The following RNF38 variants were observed in gnomAD, a reference collection of about 807,000 sequenced individuals.
RNF38 encodes ring finger protein 38.
RNF38 carries 15 observed loss-of-function variants against 67.2 expected under a neutral mutation model. That is an observed-to-expected ratio of 0.22 (90% CI 0.15 to 0.34). The LOEUF (loss-of-function observed/expected upper bound fraction) is 0.34, where lower values mean the gene tolerates loss of function less well. RNF38 is among the 10% of genes least tolerant of loss of function. The probability of loss-of-function intolerance (pLI) is 1.00; values close to 1 mark genes in which losing one functional copy is unlikely to be tolerated. For missense variants in RNF38, 524 were observed against 639.9 expected (o/e 0.82, Z 1.95); for synonymous variants, 220 against 218.8 (o/e 1.01, Z -0.05).
In RNF38 at chr9:36,420,532, C is replaced by CAAAAAAAAAAA. The variant is rs59641483; in HGVS notation, n.312+4070_312+4080dup. On this transcript the variant is annotated intron_variant and non_coding_transcript_variant, in intron 2 of 3. Transcript: ENST00000488058. ...GGGCAACAGAGCAAGACTCTGTCTC[C>CAAAAAAAAAAA]AAAAAAAAAAAAAAAGAGGACAACC... is the stretch of plus-strand genomic sequence containing the variant. Among the ~76,000 whole-genome samples the CAAAAAAAAAAA allele has an allele frequency of 1.0e-3, 76 of 73,362 alleles. 3 individuals are homozygous for CAAAAAAAAAAA. The South Asian group carries it at 0.017, about 17-fold the overall frequency. 48.1% of individuals were successfully genotyped at this position (73,362 alleles called of 152,430 possible).
Position 36,379,318 on chromosome 9 carries a change from T to C in RNF38, c.163-3191A>G, listed in dbSNP as rs118075289. Among the ~76,000 whole-genome samples the C allele has an allele frequency of 4.7e-3, 723 of 152,290 alleles. 4 individuals are homozygous for C. Among genetic ancestry groups the C allele is most frequent in the Non-Finnish European group, 8.8e-3 (600 of 68,030 alleles). ...TCATCACTTCCCTTATCAATTTTAGTACTCTAAGGAACTTCAAAGAAATTC... is the reference window on the plus strand; with the variant it reads ...TCATCACTTCCCTTATCAATTTTAGCACTCTAAGGAACTTCAAAGAAATTC... On this transcript the variant is annotated intron_variant, in intron 2 of 11. Coordinates refer to ENST00000259605, the MANE Select transcript of RNF38 (RefSeq NM_022781.5).
At chr9:36,401,655 A>C (rs1246997334), upstream of RNF38, among the ~76,000 whole-genome samples, 1 of 152,206 alleles carries the variant, frequency 6.6e-6, no homozygotes, top group Non-Finnish European at 1.5e-5. Flanking sequence ...ACGATACAAG[A>C]GAGAAAATAA....
At chr9:36,400,518 C>T (rs1416086840), upstream of RNF38, 1 of 994,274 alleles carries the variant, frequency 1.0e-6, no homozygotes, top group Non-Finnish European at 1.2e-6. Context: ...CCCGTCCCGC[C>T]CTCGCGCTGC....
intron 1 of RNF38, among the ~76,000 whole-genome samples, chr9:36,392,774 A>T (rs1373469803): frequency 1.3e-5 from 2 of 152,104 alleles, no homozygotes; most frequent in Non-Finnish European, 2.9e-5. Context: ...AAAAATAAGT[A>T]TTTGTTAATC....
intron 8 of RNF38, among the ~76,000 whole-genome samples, chr9:36,351,580 A>G (rs572091115): frequency 2.6e-5 from 4 of 152,324 alleles, no homozygotes; most frequent in African/African-American, 9.6e-5. Context: ...ACATTTTAAG[A>G]CCAAATTGGG....
intron 4 of RNF38, among the ~76,000 whole-genome samples, chr9:36,359,686 TAA>T (rs1304347013): frequency 1.3e-5 from 2 of 152,074 alleles, no homozygotes; most frequent in African/African-American, 4.8e-5. Flanking sequence ...CCATTAGTAT[TAA>T]GATTGTACTA....
upstream of RNF38, among the ~76,000 whole-genome samples, chr9:36,402,497 A>G (rs2134169096): frequency 7.0e-6 from 1 of 142,812 alleles, no homozygotes; most frequent in East Asian, 2.0e-4. Flanking sequence ...CTAAGCTTAA[A>G]AAAAAAAAAA....
At chr9:36,382,145 G>A (rs1340591969) in intron 2 of RNF38, among the ~76,000 whole-genome samples, 1 of 152,180 alleles carries the variant, frequency 6.6e-6, no homozygotes, top group Non-Finnish European at 1.5e-5. Context: ...TAGGCCAGTG[G>A]ACCAACTTTT....
At chr9:36,379,608 T>C (rs1178717932) in intron 2 of RNF38, among the ~76,000 whole-genome samples, 1 of 152,180 alleles carries the variant, frequency 6.6e-6, no homozygotes, top group African/African-American at 2.4e-5. Context: ...CCTATCTCTC[T>C]GATTTGAAGC....
intron 2 of RNF38, among the ~76,000 whole-genome samples, chr9:36,415,261 T>C (rs777392516): frequency 1.3e-5 from 2 of 152,192 alleles, no homozygotes; most frequent in Non-Finnish European, 1.5e-5. Flanking sequence ...TCACACTGGG[T>C]TAATTAAAAA....
rs769831780 is a variant in RNF38 at position 36,357,764 on chromosome 9, TAG to T, written c.738+9_738+10del. ...TAGTAATATCTAATGAGAACAAAGATAGAGACTTACTGGAGGAGGCACACTAC... is the reference window on the plus strand; with the variant it reads ...TAGTAATATCTAATGAGAACAAAGATAGACTTACTGGAGGAGGCACACTAC... On this transcript the variant is annotated intron_variant, in intron 5 of 11. Coordinates refer to ENST00000259605, the MANE Select transcript of RNF38 (RefSeq NM_022781.5). 1.2e-6 allele frequency: 2 copies of T among 1,611,464 alleles called. No homozygotes were observed. The highest frequency in any genetic ancestry group is 2.2e-5 in the East Asian group (1 of 44,846).
intron 4 of RNF38, among the ~76,000 whole-genome samples, chr9:36,364,823 T>C (rs1333386184): frequency 6.6e-6 from 1 of 152,232 alleles, no homozygotes; most frequent in Non-Finnish European, 1.5e-5. Context: ...GTGTACAGTC[T>C]GCGAATCTGC....
At chr9:36,464,570 C>CAA (rs780835186) in intron 1 of RNF38, among the ~76,000 whole-genome samples, 17 of 109,160 alleles carry the variant, frequency 1.6e-4, no homozygotes, top group African/African-American at 3.7e-4. Flanking sequence ...GACTCCGTCT[C>CAA]AAAAAAAAAA....
At chr9:36,388,286 A>G (rs578232975) in intron 2 of RNF38, among the ~76,000 whole-genome samples, 4 of 152,274 alleles carry the variant, frequency 2.6e-5, no homozygotes, top group African/African-American at 9.6e-5. Context: ...CATTTTCTAA[A>G]TTGCATATAT....
chr9:36,356,000 C>G (rs777832077), intron 6 of RNF38, among the ~76,000 whole-genome samples: 2 of 152,076 alleles, frequency 1.3e-5, no homozygotes, highest in Admixed American at 6.6e-5. Flanking sequence ...GCACGTGCCA[C>G]AATGCCCGGC....
chr9:36,422,674 A>T (rs568774615), intron 2 of RNF38, among the ~76,000 whole-genome samples: 6 of 152,306 alleles, frequency 3.9e-5, no homozygotes, highest in African/African-American at 1.4e-4. Context: ...GGAAACAATC[A>T]ATATATACAT....
chr9:36,420,893 C>T (rs1838606582), intron 2 of RNF38, among the ~76,000 whole-genome samples: 1 of 151,992 alleles, frequency 6.6e-6, no homozygotes, highest in Admixed American at 6.6e-5. Flanking sequence ...TAATTAACAT[C>T]AGAGCTGGAA....
chr9:36,442,432 T>C (rs1342077972), intron 1 of RNF38, among the ~76,000 whole-genome samples: 1 of 152,176 alleles, frequency 6.6e-6, no homozygotes, highest in Non-Finnish European at 1.5e-5. Flanking sequence ...AAAAGTCAGA[T>C]AGTGACCAAA....
rs1406473923 is a variant in RNF38, at chr9:36,337,067, A to T, written c.*2685T>A. 6.6e-6 allele frequency: 1 copy of T among 152,216 alleles called. No individual in the cohort carries two copies. Among genetic ancestry groups the T allele is most frequent in the African/African-American group, 2.4e-5 (1 of 41,458 alleles). The allele number at this position is 152,216 out of a possible 1,614,324, so 9.4% of individuals were successfully genotyped here. On this transcript the variant is annotated 3_prime_UTR_variant, in exon 12 of 12. Transcript: ENST00000259605. ...AACCCACAGCTGAGTTAAGATGGTA[A>T]AGCCAATATTATTTTAGGAGGAAAG...
Sources: allele counts gnomAD v4.1 joint callset (sites outside exome capture counted in the v4.1 genomes callset), GRCh38; gene constraint gnomAD v4.1.1; transcripts MANE v1.5; gene names NCBI Gene and HGNC (gene_info 2026-07-23, HGNC 2026-07-21).